Variants in RARS2 observed in about 807,000 individuals in gnomAD.
RARS2 encodes arginyl-tRNA synthetase 2, mitochondrial.
RARS2 carries 67 observed loss-of-function variants against 88.5 expected under a neutral mutation model. The ratio of observed to expected loss-of-function variants is 0.76; its 90% confidence interval spans 0.62 to 0.93. RARS2 has a LOEUF of 0.93. Among genes scored for constraint, RARS2 ranks in the 40% least tolerant of loss-of-function variants. RARS2 has a pLI of 0.00. For synonymous variants in RARS2, 239 were observed against 230.3 expected (o/e 1.04, Z -0.34); for missense variants, 664 against 684.2 (o/e 0.97, Z 0.33).
At chr6:87,547,503 A>G (rs959482895) in intron 6 of RARS2, among the ~76,000 whole-genome samples, 6 of 152,322 alleles carry the variant, frequency 3.9e-5, no homozygotes, top group African/African-American at 1.2e-4. Flanking sequence ...CAATTCTAAT[A>G]TTATATAATT....
At chr6:87,558,228 T>C (rs1237206043) in intron 4 of RARS2, among the ~76,000 whole-genome samples, 1 of 152,108 alleles carries the variant, frequency 6.6e-6, no homozygotes, top group African/African-American at 2.4e-5. Flanking sequence ...ATCTCTCTAT[T>C]GCTACAGACT....
intron 1 of RARS2, among the ~76,000 whole-genome samples, chr6:87,580,265 G>A (rs1773076136): frequency 6.6e-6 from 1 of 152,112 alleles, no homozygotes; most frequent in Middle Eastern, 3.2e-3. Flanking sequence ...CGAAAAGAAG[G>A]TCTACTGATA....
chr6:87,560,655 T>C (rs1197023293), intron 4 of RARS2, among the ~76,000 whole-genome samples: 2 of 152,144 alleles, frequency 1.3e-5, no homozygotes, highest in Non-Finnish European at 2.9e-5. Flanking sequence ...TGCCAGCACT[T>C]TGGGAGGGTG....
At chr6:87,529,494 A>G (rs1454000228) in intron 10 of RARS2, 48 bp downstream of exon 10, 2 of 1,216,794 alleles carry the variant, frequency 1.6e-6, no homozygotes, top group Non-Finnish European at 2.4e-6. Flanking sequence ...ATCAATAACA[A>G]TTTCAAAGAA....
chr6:87,539,613 A>G (rs1343865165), intron 8 of RARS2, among the ~76,000 whole-genome samples: 2 of 152,168 alleles, frequency 1.3e-5, no homozygotes, highest in African/African-American at 2.4e-5. Flanking sequence ...TTGCTAGCCA[A>G]TCGGGACAAA....
intron 9 of RARS2, among the ~76,000 whole-genome samples, chr6:87,530,484 A>T (rs13204592): frequency 6.6e-6 from 1 of 152,188 alleles, no homozygotes; most frequent in Non-Finnish European, 1.5e-5. Flanking sequence ...TAAATGAATC[A>T]GTTTATTAAC....
chr6:87,576,097 G>GATAGACATTAC lies in RARS2; in HGVS notation c.37-6508_37-6507insGTAATGTCTAT, dbSNP rs1431779941. 3.6e-3 allele frequency among the ~76,000 whole-genome samples: 430 copies of GATAGACATTAC among 119,824 alleles called. 13 individuals carry two copies. The highest frequency in any genetic ancestry group is 4.9e-3 in the East Asian group (20 of 4,116). 78.6% of individuals were successfully genotyped at this position (119,824 alleles called of 152,430 possible). A position where few individuals can be genotyped will look rare whatever the true frequency, so the allele number is the denominator to read the frequency against. On this transcript the variant is annotated intron_variant, in intron 1 of 19. Coordinates refer to ENST00000369536, the MANE Select transcript of RARS2 (RefSeq NM_020320.5). ...TTACAGGCGTGAGCCAATGCGCCCA[G>GATAGACATTAC]CTGGATAAGTCTTCTTTAAAAATTG...
intron 10 of RARS2, among the ~76,000 whole-genome samples, chr6:87,525,466 TC>T (rs1161948290): frequency 6.6e-6 from 1 of 151,242 alleles, no homozygotes; most frequent in East Asian, 1.9e-4. Context: ...CCCTGAAGAA[TC>T]CGCCAAAAAC....
rs1487893778 is a variant in RARS2 at position 87,569,557 on chromosome 6, A to G, written c.70T>C (p.Leu24=). The part of the protein sequence containing the change: ...SRVLNLPPEN[L]ITSISAVPIS... ...GGAACTGCAGATATTGATGTGATCA[A>G]GTTTTCTGGTGGAAGATTCAACACT... Residue 24 remains leucine, a synonymous_variant, in exon 2 of 20, where the codon TTG becomes CTG. Transcript: ENST00000369536. 3 of 1,607,538 alleles carry G rather than the reference A, an allele frequency of 1.9e-6. No homozygotes were observed. Among genetic ancestry groups the G allele is most frequent in the Admixed American group, 1.7e-5 (1 of 60,014 alleles).
At chr6:87,588,764 C>T (rs1031531127) in intron 1 of RARS2, among the ~76,000 whole-genome samples, 1 of 152,158 alleles carries the variant, frequency 6.6e-6, no homozygotes, top group Non-Finnish European at 1.5e-5. Flanking sequence ...ACCGCTGTAT[C>T]AGATCAGAGT....
intron 1 of RARS2, among the ~76,000 whole-genome samples, chr6:87,589,258 C>A (rs1713132172): frequency 6.6e-6 from 1 of 152,176 alleles, no homozygotes; most frequent in South Asian, 2.1e-4. Flanking sequence ...GGCCTGTAAT[C>A]CCGGCTCTTA....
At chr6:87,540,646 C>T (rs1780640480) in intron 8 of RARS2, among the ~76,000 whole-genome samples, 1 of 152,094 alleles carries the variant, frequency 6.6e-6, no homozygotes, top group African/African-American at 2.4e-5. Context: ...CCTGATCTGT[C>T]ACCAATATGG....
intron 9 of RARS2, among the ~76,000 whole-genome samples, chr6:87,529,876 C>T (rs1290295886): frequency 1.3e-5 from 2 of 150,186 alleles, no homozygotes; most frequent in East Asian, 2.0e-4. Flanking sequence ...GGCAAGATGG[C>T]GAGGACCTCA....
intron 5 of RARS2, 87 bp downstream of exon 5, chr6:87,555,321 T>C: frequency 9.9e-7 from 1 of 1,015,072 alleles, no homozygotes; most frequent in East Asian, 2.4e-5. Flanking sequence ...ACATGTTATT[T>C]ATTAAGACCC....
rs1776455761 is a variant in RARS2 at position 87,589,817 on chromosome 6, C to T, written c.36+105G>A. 8 of 1,612,442 alleles carry T rather than the reference C, an allele frequency of 5.0e-6. No individual in the cohort carries two copies. In the South Asian group the frequency reaches 5.5e-5, roughly 11 times the overall value. On this transcript the variant is annotated intron_variant, in intron 1 of 19. Transcript: ENST00000369536. The stretch of plus-strand genomic sequence containing the variant: ...GAGGTGGTAGAAACTAACAGGATTC[C>T]GTGGGACCCACCCTCCAGCTGACTG...
At chr6:87,565,031 C>G (rs1767450303) in intron 2 of RARS2, among the ~76,000 whole-genome samples, 1 of 152,194 alleles carries the variant, frequency 6.6e-6, no homozygotes. Context: ...GCACTCCAGT[C>G]TGGGTGACAG....
At chr6:87,587,201 G>A (rs936748016) in intron 1 of RARS2, among the ~76,000 whole-genome samples, 1 of 152,056 alleles carries the variant, frequency 6.6e-6, no homozygotes, top group African/African-American at 2.4e-5. Flanking sequence ...CTGAAAATCT[G>A]GAATTCTCCA....
intron 1 of RARS2, among the ~76,000 whole-genome samples, chr6:87,576,641 T>G (rs1771668630): frequency 1.3e-5 from 2 of 152,168 alleles, no homozygotes; most frequent in South Asian, 4.1e-4. Context: ...ATGGGTACTC[T>G]CGGGAATTTA....
rs201110631 is a variant in RARS2 at position 87,575,268 on chromosome 6, CACA to C, written c.37-5681_37-5679del. 9.6e-3 allele frequency among the ~76,000 whole-genome samples: 1,418 copies of C among 148,186 alleles called. 23 individuals are homozygous for C. Among genetic ancestry groups the C allele is most frequent in the African/African-American group, 0.035 (1,358 of 38,792 alleles). On this transcript the variant is annotated intron_variant, in intron 1 of 19. Transcript: ENST00000369536. ...ACACACACACACACACACACACACA[CACA>C]CACACACCTTGGCTTCTTCAAAAGC...
Sources: gnomAD v4.1 joint callset for allele counts (sites outside exome capture counted in the v4.1 genomes callset) on GRCh38, gnomAD v4.1.1 for gene constraint, MANE v1.5 for transcripts, NCBI Gene and HGNC (gene_info 2026-07-23, HGNC 2026-07-21) for gene names.